Variants in SEMA4G observed in about 807,000 individuals in gnomAD.
SEMA4G encodes semaphorin-4G.
Under a neutral mutation model 81.2 loss-of-function variants are expected in SEMA4G, and 59 were observed. That is an observed-to-expected ratio of 0.73 (90% CI 0.59 to 0.90). The LOEUF (loss-of-function observed/expected upper bound fraction) is 0.90. Ranked by LOEUF, SEMA4G falls within the 40% of genes least tolerant of loss-of-function variation. The pLI is 0.00. For missense variants in SEMA4G, 952 were observed against 1,102.3 expected (o/e 0.86, Z 1.93); for synonymous variants, 404 against 433.9 (o/e 0.93, Z 0.86).
chr10:100,974,276 G>A (rs1198269037), intron 3 of SEMA4G, among the ~76,000 whole-genome samples: 1 of 151,838 alleles, frequency 6.6e-6, no homozygotes, highest in Non-Finnish European at 1.5e-5. Context: ...GATCAGCCTT[G>A]GCAACACAGC....
chr10:100,985,259 C>T (rs1008277694), downstream of SEMA4G: 45 of 198,814 alleles, frequency 2.3e-4, no homozygotes, highest in African/African-American at 9.5e-4. Context: ...GGAGTTTGGA[C>T]GCTTAGCTCC....
chr10:100,970,500 C>G (rs996912837), upstream of SEMA4G, among the ~76,000 whole-genome samples: 5 of 152,050 alleles, frequency 3.3e-5, no homozygotes, highest in Non-Finnish European at 7.4e-5. Context: ...TTGACTCATG[C>G]ACCCATCCCA....
chr10:100,979,861 G>A (rs764921000), exon 9 of SEMA4G: 2 of 1,613,816 alleles, frequency 1.2e-6, no homozygotes, highest in Non-Finnish European at 1.7e-6. Context: ...GACCCTGGAG[G>A]CCTCAGCCAT....
At chr10:100,969,947 G>T (rs754589847), upstream of SEMA4G, 6 of 451,166 alleles carry the variant, frequency 1.3e-5, no homozygotes, top group South Asian at 9.3e-5. Context: ...GAAGGGAGAG[G>T]ACCGCGGACT....
At chr10:100,983,681 C>T (rs779930213) in exon 14 of SEMA4G, 5 of 1,613,482 alleles carry the variant, frequency 3.1e-6, no homozygotes, top group South Asian at 2.2e-5. Context: ...GCCTCTGCCT[C>T]ATCCTGGCCT....
upstream of SEMA4G, among the ~76,000 whole-genome samples, chr10:100,970,389 G>A (rs143729326): frequency 2.6e-4 from 40 of 152,206 alleles, no homozygotes; most frequent in South Asian, 1.7e-3. Flanking sequence ...ATACATAGGG[G>A]TGGAGGAGTA....
At position 100,981,150 on chromosome 10, in the gene SEMA4G, C is replaced by T. The variant is rs906948756; in HGVS notation, c.1629-18C>T. On this transcript the variant is annotated intron_variant, in intron 12 of 13. Transcript: ENST00000370250. ...AACCCAGTTCCCCTTGTTCATAAAACCTGATCTTCTGTCCCAGGACAGCAC... is the reference window on the plus strand; with the variant it reads ...AACCCAGTTCCCCTTGTTCATAAAATCTGATCTTCTGTCCCAGGACAGCAC... The T allele has an allele frequency of 2.5e-6, 4 of 1,614,130 alleles. No homozygotes were observed. Among genetic ancestry groups the T allele is most frequent in the Non-Finnish European group, 3.4e-6 (4 of 1,179,958 alleles).
At chr10:100,977,611 C>CCT in intron 3 of SEMA4G, 21 bp from the exon 5 acceptor site, 1 of 1,603,834 alleles carries the variant, frequency 6.2e-7, no homozygotes, top group Non-Finnish European at 8.5e-7. Context: ...GGCTCACAGC[C>CCT]CTCTCCACCT....
upstream of SEMA4G, among the ~76,000 whole-genome samples, chr10:100,971,128 G>A (rs1244691185): frequency 6.6e-6 from 1 of 152,204 alleles, no homozygotes; most frequent in Non-Finnish European, 1.5e-5. Flanking sequence ...GTGTGTGTGT[G>A]TGTGTGTGCA....
chr10:100,983,378 C>T (rs183718929), exon 14 of SEMA4G: 5 of 1,608,962 alleles, frequency 3.1e-6, no homozygotes, highest in Non-Finnish European at 4.2e-6. Flanking sequence ...ACCAGCCATC[C>T]AACCTGGCCC....
At chr10:100,978,748 C>A in intron 6 of SEMA4G, 101 bp from the exon 8 acceptor site, 2 of 1,557,826 alleles carry the variant, frequency 1.3e-6, no homozygotes, top group South Asian at 1.2e-5. Context: ...TGAGCCTGTC[C>A]ATTCCATTCC....
At chr10:100,971,025 CTGTA>C (rs1459026505), upstream of SEMA4G, among the ~76,000 whole-genome samples, 3 of 152,176 alleles carry the variant, frequency 2.0e-5, no homozygotes, top group African/African-American at 7.2e-5. Flanking sequence ...CTGTGGCCCT[CTGTA>C]TGAGCATATG....
chr10:100,983,726 C>A, exon 14 of SEMA4G: 1 of 1,613,426 alleles, frequency 6.2e-7, no homozygotes, highest in Non-Finnish European at 8.5e-7. Flanking sequence ...TGCGGGAAGG[C>A]AGACGAGGGC....
At position 100,973,237 on chromosome 10, in the gene SEMA4G, C is replaced by T. The variant is rs199688982; in HGVS notation, c.233C>T (p.Ser78Phe). Residue 78 changes from serine to phenylalanine, a missense_variant, in exon 2 of 14, where the codon TCT becomes TTT. Around this residue, in one of 3 missense-constraint regions of SEMA4G, gnomAD observed 436 missense variants for 488.2 expected, o/e 0.89. Coordinates refer to ENST00000370250, the Ensembl canonical transcript of SEMA4G. This position sits in a 1 kb window ranked among gnomAD's most constrained non-coding sequence, Gnocchi z 5.5. ...GTGGGAGCCCGAGGTGCCCTGTTCT[C>T]TCTCAGTGCCAACGACATAGGAGAT... The T allele has an allele frequency of 6.2e-7, 1 of 1,613,512 alleles. No homozygotes were observed. Among genetic ancestry groups the T allele is most frequent in the Non-Finnish European group, 8.5e-7 (1 of 1,180,034 alleles).
chr10:100,977,952 CT>C lies in SEMA4G; in HGVS notation c.435+223del, dbSNP rs1850873549. On this transcript the variant is annotated intron_variant, in intron 4 of 13. Transcript: ENST00000370250. ...AGCATTTTCACTTAGCATCCTCCCCCTAATCACCTCCACCTGGCAAACTTCA... is the reference window on the plus strand; with the variant it reads ...AGCATTTTCACTTAGCATCCTCCCCCAATCACCTCCACCTGGCAAACTTCA... 14 of 580,530 alleles carry C rather than the reference CT, an allele frequency of 2.4e-5. No individual in the cohort carries two copies. In the South Asian group the frequency reaches 2.9e-4, roughly 12 times the overall value. The allele number at this position is 580,530 out of a possible 1,614,324, so 36.0% of individuals were successfully genotyped here.
At chr10:100,980,597 G>C in exon 11 of SEMA4G, 2 of 1,614,156 alleles carry the variant, frequency 1.2e-6, no homozygotes, top group Non-Finnish European at 1.7e-6. Flanking sequence ...GGATCCACAA[G>C]GCCGTAGTCC....
chr10:100,980,099 A>C (rs748698836), intron 9 of SEMA4G, 23 bp from the exon 11 acceptor site: 7 of 1,613,440 alleles, frequency 4.3e-6, no homozygotes, highest in South Asian at 2.2e-5. Flanking sequence ...CCCGAGGTTC[A>C]CCACCTTCGT....
chr10:100,984,655 AC>A lies in SEMA4G; in HGVS notation c.*527del. The A allele has an allele frequency of 2.6e-6, 4 of 1,535,928 alleles. No individual in the cohort carries two copies. The South Asian group carries it at 4.8e-5, about 18-fold the overall frequency. On this transcript the variant is annotated 3_prime_UTR_variant, in exon 14 of 14. Coordinates refer to ENST00000370250, the Ensembl canonical transcript of SEMA4G. The stretch of plus-strand genomic sequence containing the variant: ...TTATCGGCTGGGCTGCAGTGCCCCC[AC>A]CCTCACCTTCTCCTGGTGCATTCTT...
At position 100,983,580 on chromosome 10, in the gene SEMA4G, G is replaced by A. The variant is rs902133075; in HGVS notation, c.1966G>A (p.Ala656Thr). ...TCTCACAGTCCGGCCAGCCACTCCT[G>A]CCCCAGCTCCAAAAGCCCCTGCCAC... Residue 656 changes from alanine (A) to threonine (T), a missense_variant, in exon 14 of 14, where the codon GCC becomes ACC. Around this residue, in one of 3 missense-constraint regions of SEMA4G, gnomAD observed 385 missense variants for 413.5 expected, o/e 0.93. Coordinates refer to ENST00000370250, the Ensembl canonical transcript of SEMA4G. 2.5e-6 allele frequency: 4 copies of A among 1,613,946 alleles called. No homozygotes were observed. In the African/African-American group the frequency reaches 5.3e-5, roughly 22 times the overall value.
Sources: allele counts gnomAD v4.1 joint callset (sites outside exome capture counted in the v4.1 genomes callset), GRCh38; gene constraint gnomAD v4.1.1; regional missense constraint gnomAD v4.1.1; non-coding constraint Gnocchi (gnomAD v3.1); transcripts MANE v1.5; gene names NCBI Gene and HGNC (gene_info 2026-07-23, HGNC 2026-07-21).